The following SUGCT variants were observed in gnomAD, a reference collection of about 807,000 sequenced individuals.
The protein encoded by SUGCT is succinyl-CoA:glutarate-CoA transferase, also known as succinyl-CoA:glutarate CoA-transferase.
SUGCT carries 41 observed loss-of-function variants against 55.0 expected under a neutral mutation model. The observed-to-expected ratio is 0.74, with a 90% CI of 0.58 to 0.97. The LOEUF is 0.97. Among genes scored for constraint, SUGCT ranks in the 50% least tolerant of loss-of-function variants. The pLI is 0.00. For synonymous variants in SUGCT, 187 were observed against 200.4 expected (o/e 0.93, Z 0.56); for missense variants, 568 against 547.8 (o/e 1.04, Z -0.37).
At chr7:40,846,358 G>A (rs911798614) in intron 13 of SUGCT, among the ~76,000 whole-genome samples, 9 of 145,378 alleles carry the variant, frequency 6.2e-5, no homozygotes, top group African/African-American at 1.0e-4. Flanking sequence ...ATAATGACAC[G>A]CAAACACTAG....
chr7:40,486,095 T>G (rs1033278688), intron 11 of SUGCT, among the ~76,000 whole-genome samples: 5 of 152,236 alleles, frequency 3.3e-5, no homozygotes, highest in African/African-American at 1.2e-4. Context: ...TTGGTATTTG[T>G]TCTTTAACTG....
At position 40,262,732 on chromosome 7, in the gene SUGCT, A is replaced by AAATT. The variant is rs1238968435; in HGVS notation, c.577-11781_577-11780insAATT. ...TTGACTGCAGTTGTAGAAATGACAAATTAACTCACACATTTAAAATTTTTG... is the reference window on the plus strand; with the variant it reads ...TTGACTGCAGTTGTAGAAATGACAAAAATTTTAACTCACACATTTAAAATTTTTG... On this transcript the variant is annotated intron_variant, in intron 7 of 13. Transcript: ENST00000335693. 3.9e-5 allele frequency among the ~76,000 whole-genome samples: 6 copies of AAATT among 152,270 alleles called. No homozygotes were observed. The East Asian group carries it at 1.2e-3, about 29-fold the overall frequency.
chr7:40,558,111 A>AAC (rs1554366685), intron 12 of SUGCT, among the ~76,000 whole-genome samples: 186 of 151,316 alleles, frequency 1.2e-3, no homozygotes, highest in African/African-American at 4.4e-3. Flanking sequence ...AAAAAAAAAA[A>AAC]CCAGAAAATA....
At chr7:40,840,057 G>A (rs946190553) in intron 13 of SUGCT, among the ~76,000 whole-genome samples, 1 of 152,080 alleles carries the variant, frequency 6.6e-6, no homozygotes, top group South Asian at 2.1e-4. Context: ...AGTGCCTTAG[G>A]TATTTATCAA....
intron 12 of SUGCT, among the ~76,000 whole-genome samples, chr7:40,700,191 G>C (rs1218043595): frequency 6.6e-6 from 1 of 152,134 alleles, no homozygotes; most frequent in African/African-American, 2.4e-5. Context: ...GAACCTCTTT[G>C]AAAAACTGCC....
chr7:40,718,663 C>T (rs1786153605), intron 12 of SUGCT, among the ~76,000 whole-genome samples: 1 of 152,060 alleles, frequency 6.6e-6, no homozygotes, highest in Non-Finnish European at 1.5e-5. Flanking sequence ...AATATTACTA[C>T]CAGCAGTTTG....
At chr7:40,246,251 C>CTTTT (rs11387100) in intron 7 of SUGCT, among the ~76,000 whole-genome samples, 1 of 147,230 alleles carries the variant, frequency 6.8e-6, no homozygotes, top group Non-Finnish European at 1.5e-5. Context: ...ATAGCATGTT[C>CTTTT]TTTTTTTTTT....
intron 1 of SUGCT, among the ~76,000 whole-genome samples, chr7:40,140,467 C>A (rs1004737188): frequency 3.3e-5 from 5 of 152,126 alleles, no homozygotes; most frequent in African/African-American, 1.2e-4. Flanking sequence ...GTTGTGCAAT[C>A]TCAGTTCATT....
chr7:40,710,484 ACTTAT>A lies in SUGCT; in HGVS notation c.1090-38946_1090-38942del, dbSNP rs147677157. On this transcript the variant is annotated intron_variant, in intron 12 of 13. Transcript: ENST00000335693. ...GGCTGTTAATGTTTTACCCCAGAGA[ACTTAT>A]CTTTGGAGTTTTTCATCCACTTCCT... Among the ~76,000 whole-genome samples, 812 of 152,184 alleles carry A rather than the reference ACTTAT, an allele frequency of 5.3e-3. 3 individuals carry two copies. The highest frequency in any genetic ancestry group is 0.018 in the African/African-American group (749 of 41,520).
chr7:40,265,000 A>G (rs1254955583), intron 7 of SUGCT, among the ~76,000 whole-genome samples: 2 of 152,214 alleles, frequency 1.3e-5, no homozygotes, highest in African/African-American at 2.4e-5. Flanking sequence ...AGATTTTATC[A>G]TTACCCATAT....
At chr7:40,291,222 A>G (rs1404102851) in intron 8 of SUGCT, among the ~76,000 whole-genome samples, 1 of 152,102 alleles carries the variant, frequency 6.6e-6, no homozygotes, top group Admixed American at 6.6e-5. Flanking sequence ...TTATTGCGGC[A>G]CTATTCACAA....
intron 12 of SUGCT, among the ~76,000 whole-genome samples, chr7:40,688,591 A>G (rs1306411160): frequency 1.3e-5 from 2 of 152,214 alleles, no homozygotes; most frequent in East Asian, 3.9e-4. Flanking sequence ...TTTCTAGCAC[A>G]TGTTGGTCAC....
At chr7:40,831,963 CTT>C (rs934771265) in intron 13 of SUGCT, among the ~76,000 whole-genome samples, 2 of 152,162 alleles carry the variant, frequency 1.3e-5, no homozygotes, top group African/African-American at 4.8e-5. Context: ...GTTTAGAACA[CTT>C]ATATAGTAGT....
intron 12 of SUGCT, among the ~76,000 whole-genome samples, chr7:40,647,861 A>G (rs933541414): frequency 3.3e-5 from 5 of 152,024 alleles, no homozygotes; most frequent in Non-Finnish European, 7.4e-5. Context: ...CCAAGTTCAC[A>G]TAGCCACCAA....
chr7:40,428,163 C>T (rs1262289955), intron 9 of SUGCT, among the ~76,000 whole-genome samples: 4 of 152,210 alleles, frequency 2.6e-5, no homozygotes, highest in Non-Finnish European at 5.9e-5. Flanking sequence ...GACCTAACAT[C>T]TATTTTGCCT....
At chr7:40,202,224 C>T (rs751893208) in intron 6 of SUGCT, among the ~76,000 whole-genome samples, 10 of 152,136 alleles carry the variant, frequency 6.6e-5, no homozygotes, top group Non-Finnish European at 1.0e-4. Context: ...CTTCCTGCAT[C>T]GGCCTCCCAA....
At chr7:40,754,619 C>G (rs1294548987) in intron 13 of SUGCT, among the ~76,000 whole-genome samples, 2 of 152,108 alleles carry the variant, frequency 1.3e-5, no homozygotes, top group Non-Finnish European at 2.9e-5. Flanking sequence ...GGCTACAGCT[C>G]AAGGCTCTGG....
Position 40,855,537 on chromosome 7 carries a change from T to C in SUGCT, c.1154-4779T>C, listed in dbSNP as rs192277922. 6.6e-5 allele frequency among the ~76,000 whole-genome samples: 10 copies of C among 152,346 alleles called. No individual in the cohort carries two copies. The East Asian group carries it at 1.7e-3, about 26-fold the overall frequency. Reference sequence around the variant, plus strand: ...TTTTTGCATAGCATTCTGTTCTTGTTCTGTTTTGAGTTATCTTCATTGTTT... The same window carrying C: ...TTTTTGCATAGCATTCTGTTCTTGTCCTGTTTTGAGTTATCTTCATTGTTT... On this transcript the variant is annotated intron_variant, in intron 13 of 13. Coordinates refer to ENST00000335693, the MANE Select transcript of SUGCT (RefSeq NM_001193313.2).
intron 12 of SUGCT, among the ~76,000 whole-genome samples, chr7:40,540,960 T>G (rs1168969421): frequency 6.6e-6 from 1 of 152,252 alleles, no homozygotes; most frequent in East Asian, 1.9e-4. Flanking sequence ...CTTCCATTCC[T>G]TCCGTTATTT....
Sources: gnomAD v4.1 joint callset for allele counts (sites outside exome capture counted in the v4.1 genomes callset) on GRCh38, gnomAD v4.1.1 for gene constraint, MANE v1.5 for transcripts, NCBI Gene and HGNC (gene_info 2026-07-23, HGNC 2026-07-21) for gene names.